The following STX12 variants were observed in gnomAD, a reference collection of about 807,000 sequenced individuals.
STX12 encodes the protein syntaxin 12, also known as syntaxin-12.
Under a neutral mutation model 42.2 loss-of-function variants are expected in STX12, and 17 were observed. The observed-to-expected ratio is 0.40, with a 90% CI of 0.28 to 0.60. STX12 has a LOEUF of 0.60. STX12 is among the 20% of genes least tolerant of loss of function. The probability of loss-of-function intolerance (pLI) is 0.39; values close to 1 mark genes in which losing one functional copy is unlikely to be tolerated. For missense variants in STX12, 297 were observed against 330.9 expected (o/e 0.90, Z 0.79); for synonymous variants, 108 against 116.7 (o/e 0.93, Z 0.48).
intron 2 of STX12, among the ~76,000 whole-genome samples, chr1:27,790,742 G>A (rs987431268): frequency 1.3e-5 from 2 of 152,110 alleles, no homozygotes; most frequent in African/African-American, 2.4e-5. Context: ...AGGAGTTCAA[G>A]ACCAGCCTGG....
intron 1 of STX12, among the ~76,000 whole-genome samples, chr1:27,779,237 A>G (rs577160478): frequency 2.0e-5 from 3 of 152,178 alleles, no homozygotes; most frequent in Admixed American, 2.0e-4. Flanking sequence ...TATCAGCACT[A>G]TGTCTAAAGT....
chr1:27,817,812 G>T, intron 6 of STX12, 39 bp from the exon 7 acceptor site: 1 of 1,570,590 alleles, frequency 6.4e-7, no homozygotes, highest in Non-Finnish European at 8.8e-7. Context: ...CTTCTAACAT[G>T]TTGCTTAATG....
At chr1:27,817,760 C>G in intron 6 of STX12, 91 bp from the exon 7 acceptor site, 3 of 1,080,740 alleles carry the variant, frequency 2.8e-6, no homozygotes, top group East Asian at 5.0e-5. Flanking sequence ...TAAAAACACA[C>G]GTGTTAATAG....
At chr1:27,788,640 C>T (rs545852066) in intron 1 of STX12, among the ~76,000 whole-genome samples, 1 of 152,286 alleles carries the variant, frequency 6.6e-6, no homozygotes, top group African/African-American at 2.4e-5. Context: ...AATTTTTGCT[C>T]TGCTACTTAT....
chr1:27,806,887 T>C (rs2088865792), intron 4 of STX12, among the ~76,000 whole-genome samples: 1 of 152,066 alleles, frequency 6.6e-6, no homozygotes, highest in African/African-American at 2.4e-5. Flanking sequence ...ACCAGACACT[T>C]ACCAAACAAC....
chr1:27,798,538 G>A (rs1056755593), intron 3 of STX12, among the ~76,000 whole-genome samples: 2 of 150,888 alleles, frequency 1.3e-5, no homozygotes, highest in African/African-American at 4.9e-5. Flanking sequence ...CCAACTACTC[G>A]GGAGACTGAG....
At chr1:27,774,118 G>C (rs976390873) in intron 1 of STX12, 1 of 152,202 alleles carries the variant, frequency 6.6e-6, no homozygotes, top group Non-Finnish European at 1.5e-5. Context: ...TGAGGCTTTT[G>C]TTTTCCTTCC....
At chr1:27,816,519 A>G (rs1008288683) in intron 6 of STX12, among the ~76,000 whole-genome samples, 1 of 149,950 alleles carries the variant, frequency 6.7e-6, no homozygotes, top group African/African-American at 2.5e-5. Context: ...GAAAGAAGGG[A>G]CGGAGGCTGG....
chr1:27,813,144 A>G (rs566133172), intron 6 of STX12, among the ~76,000 whole-genome samples: 4 of 151,726 alleles, frequency 2.6e-5, no homozygotes, highest in African/African-American at 9.7e-5. Flanking sequence ...TGAGCTTTCA[A>G]CTTTAATTTT....
chr1:27,789,192 A>T (rs542532347), intron 1 of STX12, among the ~76,000 whole-genome samples: 2 of 152,326 alleles, frequency 1.3e-5, no homozygotes, highest in African/African-American at 4.8e-5. Flanking sequence ...TTGCTATAGA[A>T]AAATTATTGT....
intron 4 of STX12, 73 bp downstream of exon 4, chr1:27,801,888 T>G: frequency 6.5e-7 from 1 of 1,529,632 alleles, no homozygotes; most frequent in Non-Finnish European, 8.7e-7. Context: ...TTTTTTTCTT[T>G]TTCTCTTTGA....
chr1:27,806,889 C>A (rs978618163), intron 4 of STX12, among the ~76,000 whole-genome samples: 4 of 152,064 alleles, frequency 2.6e-5, no homozygotes, highest in Admixed American at 1.3e-4. Flanking sequence ...CAGACACTTA[C>A]CAAACAACCG....
At chr1:27,795,706 C>G (rs1317171418) in intron 3 of STX12, among the ~76,000 whole-genome samples, 1 of 152,130 alleles carries the variant, frequency 6.6e-6, no homozygotes, top group Non-Finnish European at 1.5e-5. Context: ...GGAGTTTTGG[C>G]CCCCACTTGC....
chr1:27,797,006 TAA>T (rs1427514803), intron 3 of STX12, among the ~76,000 whole-genome samples: 3 of 151,724 alleles, frequency 2.0e-5, no homozygotes, highest in African/African-American at 7.3e-5. Context: ...CACCTGGCCA[TAA>T]AGAGTTTTTA....
chr1:27,800,078 G>A (rs968251403), intron 3 of STX12, among the ~76,000 whole-genome samples: 6 of 152,212 alleles, frequency 3.9e-5, no homozygotes, highest in African/African-American at 1.4e-4. Context: ...AAAACCTGCT[G>A]TGGTTGGCCC....
chr1:27,817,772 TAA>T, intron 6 of STX12, 77 bp from the exon 7 acceptor site: 1 of 1,322,598 alleles, frequency 7.6e-7, no homozygotes, highest in Admixed American at 1.8e-5. Flanking sequence ...TGTTAATAGC[TAA>T]AACTTTAGGT....
chr1:27,787,545 G>A (rs991788099), intron 1 of STX12, among the ~76,000 whole-genome samples: 2 of 152,056 alleles, frequency 1.3e-5, no homozygotes, highest in Non-Finnish European at 2.9e-5. Context: ...TGTAATCCCA[G>A]CTACTCGGGA....
At chr1:27,821,073 C>T (rs1222099318) in intron 8 of STX12, among the ~76,000 whole-genome samples, 1 of 148,528 alleles carries the variant, frequency 6.7e-6, no homozygotes, top group Non-Finnish European at 1.5e-5. Flanking sequence ...TGCTAGATGA[C>T]GAGTTAGTGG....
Position 27,812,257 on chromosome 1 carries a change from C to G in STX12, c.565C>G (p.Arg189Gly). ...ELIKERETAIRQLEADILDVN... is the reference protein window; with the variant it reads ...ELIKERETAIGQLEADILDVN... ...TATTAAAGAAAGAGAAACGGCAATT[C>G]GGCAGCTGGAGGTGAGAGCCACGTC... is the stretch of plus-strand genomic sequence containing the variant. Residue 189 changes from arginine to glycine, a missense_variant, in exon 6 of 9, where the codon CGG (arginine) becomes GGG (glycine). By Grantham distance (125) the Arg-to-Gly change is moderately radical. Transcript: ENST00000373943. The G allele has an allele frequency of 6.4e-7, 1 of 1,555,902 alleles. No homozygotes were observed. The highest frequency in any genetic ancestry group is 8.7e-7 in the Non-Finnish European group (1 of 1,149,282).
Sources: gnomAD v4.1 joint callset for allele counts (sites outside exome capture counted in the v4.1 genomes callset) on GRCh38, gnomAD v4.1.1 for gene constraint, MANE v1.5 for transcripts, NCBI Gene and HGNC (gene_info 2026-07-23, HGNC 2026-07-21) for gene names.